COL4A1: variants seen among roughly 807,000 people sequenced by gnomAD.
COL4A1 encodes collagen alpha-1(IV) chain.
COL4A1 carries 40 observed loss-of-function variants against 216.6 expected under a neutral mutation model. That is an observed-to-expected ratio of 0.18 (90% confidence interval 0.14 to 0.24). The LOEUF is 0.24. Among genes scored for constraint, COL4A1 ranks in the 10% least tolerant of loss-of-function variants. The pLI is 1.00. For missense variants in COL4A1, 1,628 were observed against 2,196.8 expected (o/e 0.74, Z 5.18); for synonymous variants, 839 against 810.7 (o/e 1.03, Z -0.59).
intron 50 of COL4A1, 143 bp downstream of exon 50, chr13:110,155,140 G>T: frequency 1.4e-6 from 1 of 731,814 alleles, no homozygotes; most frequent in South Asian, 1.5e-5. Context: ...GGCATGCTTT[G>T]GAAGGGGATG....
chr13:110,222,967 A>G (rs1880575676), intron 2 of COL4A1, among the ~76,000 whole-genome samples: 1 of 152,088 alleles, frequency 6.6e-6, no homozygotes, highest in African/African-American at 2.4e-5. Flanking sequence ...AAATTTAATT[A>G]AAATTAAATA....
chr13:110,158,612 A>G (rs1403684728), intron 49 of COL4A1, among the ~76,000 whole-genome samples: 1 of 152,230 alleles, frequency 6.6e-6, no homozygotes, highest in Non-Finnish European at 1.5e-5. Flanking sequence ...GGAATATAAA[A>G]AACTTTGTAT....
rs369724575 is a variant in COL4A1 at position 110,186,492 on chromosome 13, C to G, written c.1790G>C (p.Arg597Pro). Residue 597 changes from arginine to proline, a missense_variant, in exon 26 of 52, where the codon CGT becomes CCT. Arg to Pro is a moderately radical substitution (Grantham distance 103). Around this residue, in one of 8 missense-constraint regions of COL4A1, gnomAD observed 701 missense variants for 892.5 expected, o/e 0.79. Coordinates refer to ENST00000375820, the MANE Select transcript of COL4A1 (RefSeq NM_001845.6). ...AGGCCCAGGGGGGCCGGTGTCACCA[C>G]GACTGCCTGGGAATCCAACTCCTCC... ...PPGGVGFPGSRGDTGPPGPPG... is the reference protein window; with the variant it reads ...PPGGVGFPGSPGDTGPPGPPG... 2 of 1,613,716 alleles carry G rather than the reference C, an allele frequency of 1.2e-6. No homozygotes were observed. The highest frequency in any genetic ancestry group is 1.3e-5 in the African/African-American group (1 of 74,918).
At chr13:110,224,909 A>G (rs1323416776) in intron 2 of COL4A1, among the ~76,000 whole-genome samples, 1 of 152,200 alleles carries the variant, frequency 6.6e-6, no homozygotes, top group Non-Finnish European at 1.5e-5. Context: ...AGTAAACTTG[A>G]AAATTGCAGA....
In COL4A1 at chr13:110,213,995, C is replaced by A; in HGVS notation, c.165G>T (p.Gly55=). 6.2e-7 allele frequency: 1 copy of A among 1,614,060 alleles called. No homozygotes were observed. Among genetic ancestry groups the A allele is most frequent in the Non-Finnish European group, 8.5e-7 (1 of 1,180,018 alleles). ...CAGGAAACCCAATGACACCTTGTAA[C>A]CCCGGGAGGCCTCTTTCACCCTACA... ...KGQKGERGLP[G]LQGVIGFPGM... The change falls in exon 3 of 52, where the codon GGG becomes GGT. Residue 55 remains glycine (G), a synonymous_variant. Coordinates refer to ENST00000375820, the MANE Select transcript of COL4A1 (RefSeq NM_001845.6).
At chr13:110,209,314 A>C in intron 11 of COL4A1, 78 bp downstream of exon 11, 1 of 1,317,818 alleles carries the variant, frequency 7.6e-7, no homozygotes, top group Non-Finnish European at 1.1e-6. Flanking sequence ...GACTGAAAGA[A>C]TAAGAAGAGT....
At position 110,183,054 on chromosome 13, in the gene COL4A1, T is replaced by A; in HGVS notation, c.2034A>T (p.Pro678=). The A allele has an allele frequency of 6.2e-7, 1 of 1,613,356 alleles. No individual in the cohort carries two copies. The highest frequency in any genetic ancestry group is 8.5e-7 in the Non-Finnish European group (1 of 1,179,858). ...GCTGGCCCACAGCGCCCTTCTCTCCTGGCAGGCCTGGCCTTCCTGGGGTTC... is the reference window on the plus strand; with the variant it reads ...GCTGGCCCACAGCGCCCTTCTCTCCAGGCAGGCCTGGCCTTCCTGGGGTTC... ...FPGTPGRPGL[P]GEKGAVGQPG... Residue 678 remains proline (P), a synonymous_variant, in exon 28 of 52, where the codon CCA becomes CCT. Coordinates refer to ENST00000375820, the MANE Select transcript of COL4A1 (RefSeq NM_001845.6).
intron 2 of COL4A1, among the ~76,000 whole-genome samples, chr13:110,239,291 A>C (rs1368743896): frequency 6.6e-6 from 1 of 152,224 alleles, no homozygotes; most frequent in Non-Finnish European, 1.5e-5. Flanking sequence ...TAGAAAGCAG[A>C]ACTTAGTCAA....
Position 110,162,422 on chromosome 13 carries a change from G to T in COL4A1, c.4270C>A (p.Pro1424Thr), listed in dbSNP as rs773848029. 1 of 1,614,084 alleles carries T rather than the reference G, an allele frequency of 6.2e-7. No individual in the cohort carries two copies. Among genetic ancestry groups the T allele is most frequent in the Non-Finnish European group, 8.5e-7 (1 of 1,179,980 alleles). Reference protein sequence around the residue: ...GPTGPRGFPGPPGPDGLPGSM... With the variant: ...GPTGPRGFPGTPGPDGLPGSM... ...CCTGGCAACCCATCGGGGCCTGGTGGACCTGGAAATCCTCTTGGACCTGGA... is the reference window on the plus strand; with the variant it reads ...CCTGGCAACCCATCGGGGCCTGGTGTACCTGGAAATCCTCTTGGACCTGGA... The change falls in exon 48 of 52, where the codon CCA becomes ACA. Residue 1424 changes from proline to threonine, a missense_variant. By Grantham distance (38) the Pro-to-Thr change is conservative. Around this residue, in one of 8 missense-constraint regions of COL4A1, gnomAD observed 23 missense variants for 55.3 expected, o/e 0.42. Transcript: ENST00000375820.
chr13:110,226,014 G>A (rs1303233800), intron 2 of COL4A1, among the ~76,000 whole-genome samples: 3 of 152,340 alleles, frequency 2.0e-5, no homozygotes, highest in Admixed American at 6.5e-5. Flanking sequence ...TTTTAAACAC[G>A]TAAATATTTT....
intron 44 of COL4A1, among the ~76,000 whole-genome samples, chr13:110,166,743 A>G (rs568904166): frequency 6.6e-6 from 1 of 152,300 alleles, no homozygotes; most frequent in South Asian, 2.1e-4. Context: ...TCTGATTCAC[A>G]CATGTCCCCA....
At chr13:110,267,896 T>C (rs1883102475) in intron 1 of COL4A1, among the ~76,000 whole-genome samples, 1 of 151,984 alleles carries the variant, frequency 6.6e-6, no homozygotes, top group Non-Finnish European at 1.5e-5. Flanking sequence ...TATGTATACA[T>C]AAAAAATATG....
rs1220186179 is a variant in COL4A1 at position 110,178,067 on chromosome 13, G to A, written c.2623C>T (p.Pro875Ser). The A allele has an allele frequency of 1.9e-6, 3 of 1,614,116 alleles. No individual in the cohort carries two copies. The highest frequency in any genetic ancestry group is 2.5e-6 in the Non-Finnish European group (3 of 1,180,040). Reference sequence around the variant, plus strand: ...CAGAAGTTCAAAAATCACTTACCTGGAAACCCAGGAATCCCAGGAGCCCCC... The same window carrying A: ...CAGAAGTTCAAAAATCACTTACCTGAAAACCCAGGAATCCCAGGAGCCCCC... Reference protein sequence around the residue: ...QQGAPGIPGFPGSKGEMGVMG... With the variant: ...QQGAPGIPGFSGSKGEMGVMG... Residue 875 changes from proline to serine, a missense_variant, in exon 32 of 52, where the codon CCA becomes TCA. Physicochemically the swap from Pro to Ser is moderately conservative, Grantham distance 74. Transcript: ENST00000375820.
rs377338632 is a variant in COL4A1 at position 110,179,239 on chromosome 13, G to A, written c.2344+32C>T. 1.4e-4 allele frequency: 225 copies of A among 1,613,678 alleles called. 1 individual carries two copies. Among genetic ancestry groups the A allele is most frequent in the Admixed American group, 6.8e-4 (41 of 59,986 alleles). ...GCAAAAATAAGCACATCCTGTCCTC[G>A]AAACCCTCCAGACTGATCTGCATGA... On this transcript the variant is annotated intron_variant, in intron 30 of 51. Transcript: ENST00000375820.
chr13:110,250,008 T>C (rs564705911), intron 1 of COL4A1, among the ~76,000 whole-genome samples: 12 of 152,294 alleles, frequency 7.9e-5, no homozygotes, highest in East Asian at 5.8e-4. Context: ...TAATGTAAGA[T>C]AGATGTGATC....
intron 1 of COL4A1, among the ~76,000 whole-genome samples, chr13:110,296,957 G>A (rs1449187880): frequency 1.3e-5 from 2 of 152,086 alleles, no homozygotes; most frequent in African/African-American, 4.8e-5. Context: ...GTAGGGGAAG[G>A]GGCAGGGCTT....
chr13:110,174,858 A>G, intron 37 of COL4A1, 109 bp from the exon 38 acceptor site: 1 of 1,078,940 alleles, frequency 9.3e-7, no homozygotes, highest in East Asian at 2.4e-5. Context: ...ATTGCATTGC[A>G]AAACTCCATT....
intron 51 of COL4A1, 38 bp from the exon 52 acceptor site, chr13:110,150,482 C>T (rs1594525679): frequency 2.5e-6 from 4 of 1,594,226 alleles, no homozygotes; most frequent in Non-Finnish European, 3.4e-6. Context: ...TGGCCATCAT[C>T]TCACAGCACG....
intron 10 of COL4A1, 108 bp from the exon 11 acceptor site, chr13:110,209,535 A>C: frequency 1.1e-6 from 1 of 889,532 alleles, no homozygotes; most frequent in Admixed American, 2.3e-5. Context: ...ATGATAATTT[A>C]TTTGTGAAAT....
Sources: gnomAD v4.1 joint callset for allele counts (sites outside exome capture counted in the v4.1 genomes callset) on GRCh38, gnomAD v4.1.1 for gene constraint, gnomAD v4.1.1 regional missense constraint, MANE v1.5 for transcripts, NCBI Gene and HGNC (gene_info 2026-07-23, HGNC 2026-07-21) for gene names.